LINGO2: variants seen among roughly 807,000 people sequenced by gnomAD.
The protein encoded by LINGO2 is leucine rich repeat and Ig domain containing 2.
In LINGO2, 14 loss-of-function variants were observed where a neutral mutation model predicts 30.6. The ratio of observed to expected loss-of-function variants is 0.46; its 90% CI spans 0.30 to 0.72. LINGO2 has a LOEUF of 0.72. Ranked by LOEUF, LINGO2 falls within the 30% of genes least tolerant of loss-of-function variation. LINGO2 has a pLI of 0.07. For synonymous variants in LINGO2, 317 were observed against 288.5 expected (o/e 1.10, Z -1.00); for missense variants, 729 against 751.7 (o/e 0.97, Z 0.35).
chr9:28,290,595 GA>G (rs145786736), intron 4 of LINGO2, among the ~76,000 whole-genome samples: 7,424 of 152,176 alleles, frequency 0.049, 230 homozygotes, highest in South Asian at 0.12. Context: ...CCATCTCCCT[GA>G]TTGACTAAAA....
the LINGO2 span, among the ~76,000 whole-genome samples, chr9:29,134,775 T>A: frequency 6.6e-6 from 1 of 152,042 alleles, no homozygotes; most frequent in Non-Finnish European, 1.5e-5. Flanking sequence ...AATATCCCTA[T>A]TAATATAGTT....
At chr9:28,183,524 A>G (rs1279208625) in intron 4 of LINGO2, among the ~76,000 whole-genome samples, 2 of 152,122 alleles carry the variant, frequency 1.3e-5, no homozygotes, top group African/African-American at 4.8e-5. Flanking sequence ...ATAAAGTTTT[A>G]TTAGAATACA....
intron 4 of LINGO2, among the ~76,000 whole-genome samples, chr9:28,028,596 C>A (rs184173826): frequency 2.3e-3 from 356 of 152,132 alleles, no homozygotes; most frequent in Admixed American, 4.5e-3. Flanking sequence ...CCCATAGATA[C>A]CAAAACCAGA....
Position 28,212,096 on chromosome 9 carries a change from G to C in LINGO2, c.-87+83112C>G, listed in dbSNP as rs1271193090. On this transcript the variant is annotated intron_variant, in intron 4 of 5. Transcript: ENST00000379992. ...GTAATCCAAATTTTGGATTAGCTGA[G>C]TAAAATTGAAAATAATAACTTTGAG... Among the ~76,000 whole-genome samples, 6 of 151,394 alleles carry C rather than the reference G, an allele frequency of 4.0e-5. No individual in the cohort carries two copies. The East Asian group carries it at 1.2e-3, about 29-fold the overall frequency.
At chr9:28,208,491 C>A (rs1564044680) in intron 4 of LINGO2, among the ~76,000 whole-genome samples, 1 of 151,896 alleles carries the variant, frequency 6.6e-6, no homozygotes, top group Admixed American at 6.6e-5. Context: ...TTCTTGGGGG[C>A]AGGAGGTAAA....
chr9:28,872,481 T>C, the LINGO2 span, among the ~76,000 whole-genome samples: 30,511 of 152,000 alleles, frequency 0.2, 5,658 homozygotes, highest in African/African-American at 0.5. Context: ...GAAAATAGAT[T>C]ATAATTTTAG....
the LINGO2 span, among the ~76,000 whole-genome samples, chr9:28,948,795 C>T: frequency 6.6e-6 from 1 of 151,952 alleles, no homozygotes; most frequent in Non-Finnish European, 1.5e-5. Context: ...TCATAGTGAT[C>T]AATTTTAAAT....
the LINGO2 span, among the ~76,000 whole-genome samples, chr9:29,140,709 C>A: frequency 6.6e-6 from 1 of 151,676 alleles, no homozygotes; most frequent in East Asian, 1.9e-4. Flanking sequence ...TAAAGAAGAT[C>A]ATATCATGTC....
the LINGO2 span, among the ~76,000 whole-genome samples, chr9:29,053,137 T>A: frequency 3.3e-5 from 5 of 151,920 alleles, no homozygotes; most frequent in Admixed American, 3.3e-4. Flanking sequence ...CTACTCTTGA[T>A]AAAAGGTAAA....
intron 4 of LINGO2, among the ~76,000 whole-genome samples, chr9:28,252,240 T>A (rs1822226779): frequency 6.6e-6 from 1 of 152,168 alleles, no homozygotes; most frequent in South Asian, 2.1e-4. Context: ...TTTTGTTTGT[T>A]TTTTGAGATG....
intron 3 of LINGO2, among the ~76,000 whole-genome samples, chr9:28,362,532 G>T (rs1480914729): frequency 2.6e-5 from 4 of 151,374 alleles, no homozygotes; most frequent in Non-Finnish European, 4.4e-5. Flanking sequence ...GTGCAATGGC[G>T]TGATCTCAGC....
chr9:29,147,261 T>C, the LINGO2 span, among the ~76,000 whole-genome samples: 1 of 152,160 alleles, frequency 6.6e-6, no homozygotes, highest in African/African-American at 2.4e-5. Flanking sequence ...GTGAGACCTT[T>C]GGATATAATA....
At chr9:29,061,746 G>T in the LINGO2 span, among the ~76,000 whole-genome samples, 1 of 151,944 alleles carries the variant, frequency 6.6e-6, no homozygotes, top group Admixed American at 6.6e-5. Flanking sequence ...TAGGGTAAAA[G>T]CTTCAAGCAT....
chr9:28,029,128 T>C (rs1170982969), intron 4 of LINGO2, among the ~76,000 whole-genome samples: 3 of 152,216 alleles, frequency 2.0e-5, no homozygotes, highest in Admixed American at 2.0e-4. Flanking sequence ...GCTCAATTCA[T>C]TTGTTTTATG....
At chr9:28,341,996 CT>C (rs1825782052) in intron 3 of LINGO2, among the ~76,000 whole-genome samples, 2 of 152,104 alleles carry the variant, frequency 1.3e-5, no homozygotes, top group Admixed American at 6.6e-5. Context: ...CTCAAGCCTT[CT>C]TTACAATGTA....
intron 4 of LINGO2, among the ~76,000 whole-genome samples, chr9:28,257,334 A>T (rs147056418): frequency 6.6e-6 from 1 of 152,050 alleles, no homozygotes; most frequent in East Asian, 1.9e-4. Flanking sequence ...GTGTTCACAT[A>T]TTTATATGTC....
intron 2 of LINGO2, among the ~76,000 whole-genome samples, chr9:28,464,095 C>T (rs927190359): frequency 4.6e-5 from 7 of 152,086 alleles, no homozygotes; most frequent in Non-Finnish European, 7.4e-5. Context: ...TTCAGGGAAA[C>T]GACCTCACAA....
At chr9:27,983,014 C>G (rs1820955387) in intron 5 of LINGO2, among the ~76,000 whole-genome samples, 1 of 151,732 alleles carries the variant, frequency 6.6e-6, no homozygotes, top group Non-Finnish European at 1.5e-5. Flanking sequence ...TGCCTCTCCC[C>G]ACAATGAACT....
chr9:28,492,221 T>G (rs1013481618), intron 1 of LINGO2, among the ~76,000 whole-genome samples: 1 of 152,198 alleles, frequency 6.6e-6, no homozygotes, highest in African/African-American at 2.4e-5. Flanking sequence ...CATGTGCCAG[T>G]GAGACTAAGT....
Sources: allele counts gnomAD v4.1 joint callset (sites outside exome capture counted in the v4.1 genomes callset), GRCh38; gene constraint gnomAD v4.1.1; transcripts MANE v1.5; gene names NCBI Gene and HGNC (gene_info 2026-07-23, HGNC 2026-07-21).